Variants in ACOT12 observed in about 807,000 individuals in gnomAD.
The protein encoded by ACOT12 is acyl-CoA thioesterase 12.
ACOT12 carries 51 observed loss-of-function variants against 67.7 expected under a neutral mutation model. That is an observed-to-expected ratio of 0.75 (90% CI 0.60 to 0.95). The LOEUF is 0.95. Among genes scored for constraint, ACOT12 ranks in the 40% least tolerant of loss-of-function variants. The pLI is 0.00. For synonymous variants in ACOT12, 251 were observed against 244.6 expected (o/e 1.03, Z -0.24); for missense variants, 734 against 708.1 (o/e 1.04, Z -0.41).
intron 4 of ACOT12, among the ~76,000 whole-genome samples, chr5:81,361,729 G>C (rs886130420): frequency 6.6e-6 from 1 of 152,136 alleles, no homozygotes; most frequent in Admixed American, 6.6e-5. Context: ...TTCTCCCTCC[G>C]CACCATCTGC....
chr5:81,343,700 A>G, intron 10 of ACOT12, 118 bp downstream of exon 10: 1 of 944,796 alleles, frequency 1.1e-6, no homozygotes, highest in Non-Finnish European at 1.6e-6. Context: ...ACTGGCTGAT[A>G]TAATCCACCT....
At chr5:81,327,600 C>G (rs1204122235), downstream of ACOT12, among the ~76,000 whole-genome samples, 2 of 152,178 alleles carry the variant, frequency 1.3e-5, no homozygotes, top group Non-Finnish European at 2.9e-5. Context: ...AGCACCACAC[C>G]CAGCTAATTT....
chr5:81,362,121 C>T (rs1385301736), intron 4 of ACOT12, among the ~76,000 whole-genome samples: 1 of 151,956 alleles, frequency 6.6e-6, no homozygotes, highest in African/African-American at 2.4e-5. Context: ...ACCCAGTTCT[C>T]CAGTCTCAAG....
intron 13 of ACOT12, 87 bp downstream of exon 13, chr5:81,332,388 TAC>T: frequency 7.2e-7 from 1 of 1,396,018 alleles, no homozygotes; most frequent in African/African-American, 1.4e-5. Flanking sequence ...CAGAAATATC[TAC>T]ACAGACTTCA....
intron 5 of ACOT12, among the ~76,000 whole-genome samples, chr5:81,357,535 C>T (rs754989376): frequency 5.3e-5 from 8 of 151,940 alleles, no homozygotes; most frequent in Non-Finnish European, 1.0e-4. Context: ...GGCAAACTGG[C>T]CAGCACCTCA....
chr5:81,334,434 C>G (rs974017411), intron 12 of ACOT12, among the ~76,000 whole-genome samples: 1 of 152,196 alleles, frequency 6.6e-6, no homozygotes, highest in East Asian at 1.9e-4. Context: ...GCGACTTAAG[C>G]GTCTGCATGA....
intron 5 of ACOT12, among the ~76,000 whole-genome samples, chr5:81,348,746 G>T (rs555293860): frequency 4.6e-5 from 7 of 152,092 alleles, no homozygotes; most frequent in African/African-American, 1.7e-4. Flanking sequence ...TGTATTTTCA[G>T]TAGAGATGGT....
chr5:81,309,102 C>A, the ACOT12 span: 1 of 1,173,096 alleles, frequency 8.5e-7, no homozygotes, highest in Non-Finnish European at 1.2e-6. Context: ...ATTTAATTTA[C>A]ACTCAATCAC....
intron 12 of ACOT12, 28 bp downstream of exon 12, chr5:81,335,740 T>G: frequency 6.2e-7 from 1 of 1,603,044 alleles, no homozygotes; most frequent in Non-Finnish European, 8.5e-7. Context: ...CAAGGTTGAT[T>G]GAGAAAAATT....
chr5:81,372,437 A>G (rs1760283811), intron 2 of ACOT12, among the ~76,000 whole-genome samples: 1 of 152,214 alleles, frequency 6.6e-6, no homozygotes, highest in South Asian at 2.1e-4. Flanking sequence ...CTTAACTTCA[A>G]TGTTAAACTG....
chr5:81,389,811 G>A (rs1385233693), intron 1 of ACOT12, among the ~76,000 whole-genome samples: 1 of 145,514 alleles, frequency 6.9e-6, no homozygotes, highest in Non-Finnish European at 1.5e-5. Context: ...ACAGGTGTGA[G>A]CCACCAGGCC....
intron 4 of ACOT12, among the ~76,000 whole-genome samples, chr5:81,360,870 T>C (rs1222879049): frequency 6.6e-6 from 1 of 151,908 alleles, no homozygotes; most frequent in African/African-American, 2.4e-5. Context: ...AGATTATAGG[T>C]GTGAGCCACT....
intron 1 of ACOT12, among the ~76,000 whole-genome samples, chr5:81,386,716 T>C (rs1247404985): frequency 2.0e-5 from 3 of 152,190 alleles, no homozygotes; most frequent in African/African-American, 4.8e-5. Flanking sequence ...TGAATTACAC[T>C]GAATTTGTCT....
intron 7 of ACOT12, 21 bp downstream of exon 7, chr5:81,345,864 C>T: frequency 1.2e-6 from 2 of 1,612,786 alleles, no homozygotes; most frequent in Non-Finnish European, 1.7e-6. Flanking sequence ...TTCTTCATAG[C>T]AGCCTAAGGG....
intron 2 of ACOT12, among the ~76,000 whole-genome samples, chr5:81,373,199 G>T (rs1441685195): frequency 6.6e-6 from 1 of 152,192 alleles, no homozygotes; most frequent in Non-Finnish European, 1.5e-5. Flanking sequence ...TGGACAGTGG[G>T]TGCAGCCCAT....
At chr5:81,365,990 C>A (rs1284313148) in intron 3 of ACOT12, among the ~76,000 whole-genome samples, 1 of 152,176 alleles carries the variant, frequency 6.6e-6, no homozygotes, top group African/African-American at 2.4e-5. Flanking sequence ...GAGGAACAAG[C>A]AATTCCTGGG....
At chr5:81,342,102 C>T (rs1054757639) in intron 11 of ACOT12, among the ~76,000 whole-genome samples, 1 of 152,058 alleles carries the variant, frequency 6.6e-6, no homozygotes, top group African/African-American at 2.4e-5. Context: ...GTGATCCTCC[C>T]ACCTCAACCT....
intron 3 of ACOT12, among the ~76,000 whole-genome samples, chr5:81,369,482 C>A (rs1760181071): frequency 6.6e-6 from 1 of 152,110 alleles, no homozygotes; most frequent in African/African-American, 2.4e-5. Context: ...TAGTTGGCAT[C>A]TATATTTAAG....
At chr5:81,349,277 C>T (rs1449738823) in intron 5 of ACOT12, among the ~76,000 whole-genome samples, 3 of 152,148 alleles carry the variant, frequency 2.0e-5, no homozygotes, top group African/African-American at 7.2e-5. Flanking sequence ...GTGATCGTTT[C>T]AGTCCCCAGC....
Sources: allele counts gnomAD v4.1 joint callset (sites outside exome capture counted in the v4.1 genomes callset), GRCh38; gene constraint gnomAD v4.1.1; transcripts MANE v1.5; gene names NCBI Gene and HGNC (gene_info 2026-07-23, HGNC 2026-07-21).